Variants in FBXL17 observed in about 807,000 individuals in gnomAD.
FBXL17 encodes the protein F-box and leucine rich repeat protein 17, also known as F-box/LRR-repeat protein 17.
In FBXL17, 22 loss-of-function variants were observed where a neutral mutation model predicts 66.2. The observed-to-expected ratio is 0.33, with a 90% CI of 0.24 to 0.47. The LOEUF is 0.47. Among genes scored for constraint, FBXL17 ranks in the 20% least tolerant of loss-of-function variants. The pLI is 1.00. For synonymous variants in FBXL17, 474 were observed against 400.5 expected (o/e 1.18, Z -2.19); for missense variants, 878 against 948.2 (o/e 0.93, Z 0.97).
At chr5:108,012,739 G>T (rs1282943807) in intron 7 of FBXL17, among the ~76,000 whole-genome samples, 1 of 152,174 alleles carries the variant, frequency 6.6e-6, no homozygotes, top group East Asian at 1.9e-4. Context: ...TAGCTGGCTG[G>T]GTGTGGTGGC....
chr5:108,198,259 G>A (rs1025066463), intron 5 of FBXL17, among the ~76,000 whole-genome samples: 38 of 151,892 alleles, frequency 2.5e-4, no homozygotes, highest in African/African-American at 7.0e-4. Context: ...ATTTTAAGTC[G>A]TTTTTATGAT....
At chr5:108,223,336 C>T (rs1754955132) in intron 5 of FBXL17, among the ~76,000 whole-genome samples, 1 of 152,010 alleles carries the variant, frequency 6.6e-6, no homozygotes, top group African/African-American at 2.4e-5. Flanking sequence ...CAGCAACTTT[C>T]TAATAGTTGT....
intron 6 of FBXL17, among the ~76,000 whole-genome samples, chr5:108,051,245 C>T (rs1399803589): frequency 6.6e-6 from 1 of 152,154 alleles, no homozygotes; most frequent in African/African-American, 2.4e-5. Context: ...ATGAAGTCAG[C>T]ACCATCCTGA....
chr5:107,884,758 G>C (rs1211753187), intron 7 of FBXL17, among the ~76,000 whole-genome samples: 1 of 152,130 alleles, frequency 6.6e-6, no homozygotes, highest in Non-Finnish European at 1.5e-5. Context: ...GTCCTTACCT[G>C]GACAATGGGG....
intron 7 of FBXL17, among the ~76,000 whole-genome samples, chr5:107,995,559 G>T (rs897715509): frequency 6.6e-6 from 1 of 151,644 alleles, no homozygotes; most frequent in Non-Finnish European, 1.5e-5. Context: ...ATAAGAGTTT[G>T]TGTGTGTGTG....
intron 3 of FBXL17, among the ~76,000 whole-genome samples, chr5:108,354,532 C>A: frequency 6.6e-6 from 1 of 150,746 alleles, no homozygotes; most frequent in Non-Finnish European, 1.5e-5. Context: ...AAGTGAATAC[C>A]AAGAAAAGAG....
intron 3 of FBXL17, among the ~76,000 whole-genome samples, chr5:108,351,690 C>G (rs1213157052): frequency 6.6e-6 from 1 of 152,198 alleles, no homozygotes; most frequent in Admixed American, 6.5e-5. Flanking sequence ...CATCTTGCTC[C>G]TTCATCACTA....
At chr5:108,180,012 G>A (rs890506839) in intron 6 of FBXL17, among the ~76,000 whole-genome samples, 40 of 151,986 alleles carry the variant, frequency 2.6e-4, no homozygotes, top group African/African-American at 8.7e-4. Context: ...AAGAAAATGC[G>A]GGCCTAGTAT....
chr5:108,375,550 T>G (rs992932264), intron 1 of FBXL17, among the ~76,000 whole-genome samples: 1 of 152,142 alleles, frequency 6.6e-6, no homozygotes, highest in African/African-American at 2.4e-5. Flanking sequence ...GACAAATTCC[T>G]AGAATATAAA....
intron 6 of FBXL17, among the ~76,000 whole-genome samples, chr5:108,145,457 C>T (rs1751517325): frequency 6.6e-6 from 1 of 152,144 alleles, no homozygotes. Flanking sequence ...TCCATTTTAT[C>T]TCCCCACTAA....
chr5:108,117,131 G>C (rs1271292734), intron 6 of FBXL17, among the ~76,000 whole-genome samples: 1 of 152,164 alleles, frequency 6.6e-6, no homozygotes, highest in Non-Finnish European at 1.5e-5. Flanking sequence ...AGGACAGTTT[G>C]ATTGACTAAG....
chr5:108,255,027 G>A (rs1756513961), intron 4 of FBXL17, among the ~76,000 whole-genome samples: 1 of 152,130 alleles, frequency 6.6e-6, no homozygotes, highest in African/African-American at 2.4e-5. Context: ...CATACAACTT[G>A]ATGGAAAAGA....
chr5:108,008,285 AT>A lies in FBXL17; in HGVS notation c.1822+12639del, dbSNP rs975271502. 2.0e-5 allele frequency among the ~76,000 whole-genome samples: 3 copies of A among 152,222 alleles called. No homozygotes were observed. In the East Asian group the frequency reaches 5.8e-4, roughly 29 times the overall value. The stretch of plus-strand genomic sequence containing the variant: ...ATCACTTAATCTGTTCCAATTTATA[AT>A]TTTTTTGAAAGTTAATCATTTGCAA... On this transcript the variant is annotated intron_variant, in intron 7 of 8. Transcript: ENST00000542267.
At chr5:108,025,757 G>T (rs1466954763) in intron 6 of FBXL17, among the ~76,000 whole-genome samples, 1 of 136,996 alleles carries the variant, frequency 7.3e-6, no homozygotes, top group African/African-American at 2.8e-5. Flanking sequence ...ACACACACAG[G>T]CCCCACACGA....
At chr5:108,156,759 T>A (rs1000336387) in intron 6 of FBXL17, among the ~76,000 whole-genome samples, 1 of 152,036 alleles carries the variant, frequency 6.6e-6, no homozygotes, top group African/African-American at 2.4e-5. Flanking sequence ...TAGTTTTATA[T>A]ATCAAATAAA....
chr5:107,917,218 C>G (rs186261139), intron 7 of FBXL17, among the ~76,000 whole-genome samples: 4 of 152,204 alleles, frequency 2.6e-5, no homozygotes, highest in East Asian at 1.9e-4. Flanking sequence ...GTGGGAGAAG[C>G]CTTCTTTATT....
chr5:107,925,715 T>C (rs543411851), intron 7 of FBXL17, among the ~76,000 whole-genome samples: 33 of 152,352 alleles, frequency 2.2e-4, no homozygotes, highest in African/African-American at 7.5e-4. Context: ...TGTTCATTAA[T>C]GTACTCTCTA....
chr5:108,298,438 A>T, intron 4 of FBXL17: 3 of 974,774 alleles, frequency 3.1e-6, no homozygotes, highest in Non-Finnish European at 3.7e-6. Flanking sequence ...ACTAAAATCT[A>T]AACAAAACTT....
At chr5:108,013,370 G>A (rs548689380) in intron 7 of FBXL17, among the ~76,000 whole-genome samples, 14 of 152,248 alleles carry the variant, frequency 9.2e-5, no homozygotes, top group Non-Finnish European at 1.9e-4. Flanking sequence ...TAATCACTTT[G>A]GATGATTTCT....
Sources: allele counts gnomAD v4.1 joint callset (sites outside exome capture counted in the v4.1 genomes callset), GRCh38; gene constraint gnomAD v4.1.1; transcripts MANE v1.5; gene names NCBI Gene and HGNC (gene_info 2026-07-23, HGNC 2026-07-21).